The following AKAP19 variants were observed in gnomAD, a reference collection of about 807,000 sequenced individuals.
The protein encoded by AKAP19 is A-kinase anchoring protein 19.
chr2:190,167,414 C>T, the AKAP19 span, among the ~76,000 whole-genome samples: 20 of 152,140 alleles, frequency 1.3e-4, no homozygotes, highest in Non-Finnish European at 2.1e-4. Flanking sequence ...CATTCTGCCC[C>T]GGCCCCTCCA....
chr2:189,972,324 C>T, the AKAP19 span, among the ~76,000 whole-genome samples: 4 of 152,110 alleles, frequency 2.6e-5, no homozygotes, highest in African/African-American at 4.8e-5. Context: ...GGGTTCTGTT[C>T]GGTTCCATTG....
the AKAP19 span, among the ~76,000 whole-genome samples, chr2:190,071,116 T>C: frequency 6.6e-6 from 1 of 152,162 alleles, no homozygotes; most frequent in Non-Finnish European, 1.5e-5. Flanking sequence ...AACAAAAACA[T>C]TTAAAAACCT....
the AKAP19 span, among the ~76,000 whole-genome samples, chr2:190,082,087 G>A: frequency 7.2e-5 from 11 of 152,208 alleles, no homozygotes; most frequent in African/African-American, 2.4e-4. Context: ...AGTATGCACA[G>A]TGAGGGTTTT....
chr2:189,962,346 C>G, the AKAP19 span, among the ~76,000 whole-genome samples: 5 of 152,122 alleles, frequency 3.3e-5, no homozygotes, highest in Non-Finnish European at 5.9e-5. Flanking sequence ...AAGATGCAAT[C>G]CCCTGATGAT....
chr2:190,196,522 CT>C, the AKAP19 span, among the ~76,000 whole-genome samples: 1,817 of 135,706 alleles, frequency 0.013, 23 homozygotes, highest in African/African-American at 0.033. Flanking sequence ...AATGCTGGGT[CT>C]TTTTTTTTTT....
At chr2:190,091,319 A>G in the AKAP19 span, among the ~76,000 whole-genome samples, 1 of 152,236 alleles carries the variant, frequency 6.6e-6, no homozygotes, top group Non-Finnish European at 1.5e-5. Flanking sequence ...AAATATTATT[A>G]CAGAAAGTTC....
the AKAP19 span, among the ~76,000 whole-genome samples, chr2:189,953,908 G>A: frequency 2.3e-4 from 35 of 152,298 alleles, no homozygotes; most frequent in South Asian, 5.4e-3. Context: ...TTATGATATT[G>A]ATTGAATGAA....
the AKAP19 span, among the ~76,000 whole-genome samples, chr2:189,997,893 C>T: frequency 7.9e-5 from 12 of 152,160 alleles, no homozygotes; most frequent in African/African-American, 2.9e-4. Flanking sequence ...CCAAATTCTG[C>T]CAGCTGCCTT....
the AKAP19 span, among the ~76,000 whole-genome samples, chr2:189,919,087 T>A: frequency 6.6e-6 from 1 of 152,224 alleles, no homozygotes; most frequent in Non-Finnish European, 1.5e-5. Flanking sequence ...CGAAAGACTA[T>A]ACGTAGGGTT....
chr2:190,060,037 A>T, the AKAP19 span: 7 of 1,602,188 alleles, frequency 4.4e-6, no homozygotes, highest in Admixed American at 1.2e-4. Context: ...AGGTTATTAT[A>T]ATGTTATTTT....
the AKAP19 span, among the ~76,000 whole-genome samples, chr2:190,164,537 T>A: frequency 2.0e-5 from 3 of 152,098 alleles, no homozygotes; most frequent in Non-Finnish European, 4.4e-5. Context: ...CTCAAATAAA[T>A]AAATAAGTAA....
the AKAP19 span, among the ~76,000 whole-genome samples, chr2:190,172,030 C>T: frequency 6.6e-6 from 1 of 152,172 alleles, no homozygotes. Context: ...TAACAAATCA[C>T]CCTAGCTTGG....
chr2:189,914,880 C>T, the AKAP19 span, among the ~76,000 whole-genome samples: 1 of 152,034 alleles, frequency 6.6e-6, no homozygotes, highest in Admixed American at 6.6e-5. Flanking sequence ...GTAGTAGAGC[C>T]TGGATTTAAA....
the AKAP19 span, among the ~76,000 whole-genome samples, chr2:190,195,224 CAAG>C: frequency 1.3e-5 from 2 of 152,154 alleles, no homozygotes; most frequent in South Asian, 2.1e-4. Context: ...ACCCATTCAC[CAAG>C]AAGGACATCT....
chr2:189,921,120 G>T, the AKAP19 span, among the ~76,000 whole-genome samples: 1 of 152,068 alleles, frequency 6.6e-6, no homozygotes, highest in South Asian at 2.1e-4. Flanking sequence ...TGGTCAATTT[G>T]CCGTGTTTGC....
the AKAP19 span, among the ~76,000 whole-genome samples, chr2:189,957,662 T>C: frequency 6.6e-6 from 1 of 152,220 alleles, no homozygotes; most frequent in Non-Finnish European, 1.5e-5. Context: ...ATAGCTTTTC[T>C]AGTTCCTATA....
chr2:190,148,797 G>A, the AKAP19 span, among the ~76,000 whole-genome samples: 5 of 152,108 alleles, frequency 3.3e-5, no homozygotes, highest in Non-Finnish European at 7.4e-5. Flanking sequence ...GTGTGTAAAG[G>A]TGTTCATAAA....
chr2:189,937,814 T>C, the AKAP19 span, among the ~76,000 whole-genome samples: 65 of 152,296 alleles, frequency 4.3e-4, no homozygotes, highest in African/African-American at 1.5e-3. Context: ...TTGATGGGAA[T>C]GTAAATTAAT....
At chr2:190,070,945 G>A in the AKAP19 span, among the ~76,000 whole-genome samples, 6 of 152,096 alleles carry the variant, frequency 3.9e-5, no homozygotes, top group Non-Finnish European at 5.9e-5. Flanking sequence ...AGCATTGAAT[G>A]TACAGTCATG....
Sources: allele counts gnomAD v4.1 joint callset (sites outside exome capture counted in the v4.1 genomes callset), GRCh38; gene constraint gnomAD v4.1.1; transcripts MANE v1.5; gene names NCBI Gene and HGNC (gene_info 2026-07-23, HGNC 2026-07-21).